RFT1: variants seen among roughly 807,000 people sequenced by gnomAD.
The protein encoded by RFT1 is man(5)GlcNAc(2)-PP-dolichol translocation protein RFT1.
RFT1 carries 43 observed loss-of-function variants against 62.2 expected under a neutral mutation model. That is an observed-to-expected ratio of 0.69 (90% CI 0.54 to 0.89). The LOEUF is 0.89. Ranked by LOEUF, RFT1 falls within the 40% of genes least tolerant of loss-of-function variation. The pLI, the probability that RFT1 is intolerant of heterozygous loss-of-function variation, is 0.00. For missense variants in RFT1, 605 were observed against 649.9 expected (o/e 0.93, Z 0.75); for synonymous variants, 262 against 264.6 (o/e 0.99, Z 0.10).
the RFT1 span, among the ~76,000 whole-genome samples, chr3:53,073,849 G>A: frequency 6.6e-6 from 1 of 152,324 alleles, no homozygotes; most frequent in Non-Finnish European, 1.5e-5. Context: ...CAAAGCTCTA[G>A]GGAAGAGCCT....
intron 7 of RFT1, among the ~76,000 whole-genome samples, chr3:53,109,495 C>T (rs1228371870): frequency 1.3e-5 from 2 of 152,218 alleles, no homozygotes; most frequent in South Asian, 2.1e-4. Flanking sequence ...AGTAACAGCA[C>T]ATACATTTTT....
chr3:53,123,807 C>T lies in RFT1; in HGVS notation c.183G>A (p.Leu61=). 3 of 1,614,128 alleles carry T rather than the reference C, an allele frequency of 1.9e-6. No homozygotes were observed. The highest frequency in any genetic ancestry group is 2.5e-6 in the Non-Finnish European group (3 of 1,180,002). The part of the protein sequence containing the change: ...LTLLYSTTLF[L]AREAFRRACL... ...ATGCTCTGCGGAAGGCCTCTCTGGC[C>T]AGGAAGAGGGTGGTTGAGTAAAGCA... The change falls in exon 3 of 13, where the codon CTG becomes CTA. Residue 61 remains leucine (L), a synonymous_variant. Transcript: ENST00000296292.
At chr3:53,106,017 G>T (rs1221793737) in intron 8 of RFT1, among the ~76,000 whole-genome samples, 1 of 151,550 alleles carries the variant, frequency 6.6e-6, no homozygotes, top group East Asian at 1.9e-4. Context: ...TGGACTGCTT[G>T]AGCCAGGGAG....
At chr3:53,116,664 C>T (rs1241118794) in intron 6 of RFT1, among the ~76,000 whole-genome samples, 1 of 150,166 alleles carries the variant, frequency 6.7e-6, no homozygotes, top group East Asian at 2.0e-4. Flanking sequence ...TGTAGTGGTG[C>T]GATCTCAGCT....
chr3:53,106,685 C>G (rs1488550471), intron 8 of RFT1, 134 bp downstream of exon 8: 2 of 765,686 alleles, frequency 2.6e-6, no homozygotes, highest in Non-Finnish European at 4.5e-6. Flanking sequence ...GTACAAAGAC[C>G]TACAATTTAC....
the RFT1 span, among the ~76,000 whole-genome samples, chr3:53,081,419 G>A: frequency 3.3e-5 from 5 of 152,128 alleles, no homozygotes; most frequent in East Asian, 1.9e-4. Flanking sequence ...ACCTCGGCAC[G>A]GGGATTGGAA....
At chr3:53,081,028 G>T in the RFT1 span, among the ~76,000 whole-genome samples, 2 of 152,252 alleles carry the variant, frequency 1.3e-5, no homozygotes, top group African/African-American at 2.4e-5. Context: ...GCCTAGGGGG[G>T]TCATAAGAAC....
chr3:53,110,063 C>T (rs1407057043), intron 7 of RFT1, among the ~76,000 whole-genome samples: 2 of 152,112 alleles, frequency 1.3e-5, no homozygotes, highest in African/African-American at 4.8e-5. Context: ...CTTTAGTTTG[C>T]AGTAAACTTA....
intron 7 of RFT1, among the ~76,000 whole-genome samples, chr3:53,110,860 GT>G (rs1701628448): frequency 6.6e-6 from 1 of 152,160 alleles, no homozygotes; most frequent in African/African-American, 2.4e-5. Context: ...ACTTACAGCT[GT>G]CTTAAATCTC....
chr3:53,115,361 C>T (rs924077083), intron 6 of RFT1, among the ~76,000 whole-genome samples: 7 of 152,122 alleles, frequency 4.6e-5, no homozygotes, highest in Admixed American at 2.0e-4. Flanking sequence ...AAAAATAAGA[C>T]ACTATAACTC....
intron 6 of RFT1, among the ~76,000 whole-genome samples, chr3:53,118,050 C>T (rs1468629692): frequency 6.6e-6 from 1 of 152,214 alleles, no homozygotes; most frequent in Non-Finnish European, 1.5e-5. Context: ...CCACTATACC[C>T]AGCTAATTAA....
intron 11 of RFT1, among the ~76,000 whole-genome samples, chr3:53,094,795 G>A (rs1358976469): frequency 6.6e-6 from 1 of 151,610 alleles, no homozygotes; most frequent in Non-Finnish European, 1.5e-5. Context: ...AAGCAGAGAC[G>A]CATTCGACAG....
rs141975111 is a variant in RFT1 at position 53,103,931 on chromosome 3, C to T, written c.1102+22G>A. 1.1e-5 allele frequency: 18 copies of T among 1,614,000 alleles called. No homozygotes were observed. In the Admixed American group the frequency reaches 3.0e-4, roughly 27 times the overall value. On this transcript the variant is annotated intron_variant, in intron 10 of 12. Transcript: ENST00000296292. ...TTTATGTTGGGAAATCAGAAAAAAT[C>T]CAGAAAAACTCTTGTGCGTACCGGA...
the RFT1 span, among the ~76,000 whole-genome samples, chr3:53,075,121 C>T: frequency 2.0e-5 from 3 of 152,218 alleles, no homozygotes; most frequent in Non-Finnish European, 2.9e-5. Context: ...CAGAACATCC[C>T]CACCACAGAG....
chr3:53,111,362 C>T (rs1701643721), intron 7 of RFT1, among the ~76,000 whole-genome samples: 1 of 151,296 alleles, frequency 6.6e-6, no homozygotes, highest in African/African-American at 2.4e-5. Flanking sequence ...GCCAAGATAG[C>T]ACCACTGTAC....
At chr3:53,069,147 C>T in the RFT1 span, among the ~76,000 whole-genome samples, 1 of 152,142 alleles carries the variant, frequency 6.6e-6, no homozygotes, top group African/African-American at 2.4e-5. Flanking sequence ...ACCATGTTGG[C>T]GAGACTGGTC....
At chr3:53,128,803 G>A (rs998996027) in intron 1 of RFT1, among the ~76,000 whole-genome samples, 4 of 152,298 alleles carry the variant, frequency 2.6e-5, no homozygotes, top group East Asian at 1.9e-4. Context: ...GAGCCACCGC[G>A]TCCAGCCAAC....
intron 6 of RFT1, among the ~76,000 whole-genome samples, chr3:53,113,205 G>A (rs1701700583): frequency 6.6e-6 from 1 of 151,878 alleles, no homozygotes; most frequent in African/African-American, 2.4e-5. Context: ...TTGTAGAGAT[G>A]AGGGTCTTGC....
the RFT1 span, among the ~76,000 whole-genome samples, chr3:53,073,423 CCGCCTCTGTGGAAG>C: frequency 6.6e-6 from 1 of 152,200 alleles, no homozygotes; most frequent in Non-Finnish European, 1.5e-5. Flanking sequence ...AGCGGAAGTC[CCGCCTCTGTGGAAG>C]CGCCTCTGCA....
Sources: allele counts gnomAD v4.1 joint callset (sites outside exome capture counted in the v4.1 genomes callset), GRCh38; gene constraint gnomAD v4.1.1; transcripts MANE v1.5; gene names NCBI Gene and HGNC (gene_info 2026-07-23, HGNC 2026-07-21).